Variants in HCN1 observed in about 807,000 individuals in gnomAD.
HCN1 encodes the protein potassium/sodium hyperpolarization-activated cyclic nucleotide-gated channel 1.
Under a neutral mutation model 78.9 loss-of-function variants are expected in HCN1, and 13 were observed. The ratio of observed to expected loss-of-function variants is 0.16; its 90% confidence interval spans 0.11 to 0.26. The LOEUF is 0.26. Ranked by LOEUF, HCN1 falls within the 10% of genes least tolerant of loss-of-function variation. The pLI is 1.00. For synonymous variants in HCN1, 552 were observed against 455.5 expected, an observed-to-expected ratio of 1.21 and a Z score of -2.70; for missense variants, 810 against 1,154.3, an observed-to-expected ratio of 0.70 and a Z score of 4.32.
At chr5:45,668,071 A>G (rs1304659537) in intron 1 of HCN1, among the ~76,000 whole-genome samples, 1 of 151,992 alleles carries the variant, frequency 6.6e-6, no homozygotes, top group African/African-American at 2.4e-5. Flanking sequence ...GTCATGCATC[A>G]GATTTATATT....
chr5:45,477,710 A>T (rs1226907609), intron 2 of HCN1, among the ~76,000 whole-genome samples: 1 of 152,182 alleles, frequency 6.6e-6, no homozygotes, highest in African/African-American at 2.4e-5. Context: ...ATGTATTGCA[A>T]ATATATAAGG....
At chr5:45,588,377 G>A (rs1744285198) in intron 2 of HCN1, among the ~76,000 whole-genome samples, 1 of 152,152 alleles carries the variant, frequency 6.6e-6, no homozygotes, top group Non-Finnish European at 1.5e-5. Flanking sequence ...AGTGGATATT[G>A]TGTAATTTCG....
At chr5:45,265,218 G>C (rs936239291) in intron 7 of HCN1, among the ~76,000 whole-genome samples, 4 of 151,788 alleles carry the variant, frequency 2.6e-5, no homozygotes, top group Non-Finnish European at 1.5e-5. Context: ...ACTGCAATAA[G>C]TTAGATGAAA....
At chr5:45,580,385 G>A (rs1338179015) in intron 2 of HCN1, among the ~76,000 whole-genome samples, 1 of 152,004 alleles carries the variant, frequency 6.6e-6, no homozygotes, top group Non-Finnish European at 1.5e-5. Flanking sequence ...GCCAAGGAAT[G>A]TGGTGGCCTC....
intron 1 of HCN1, among the ~76,000 whole-genome samples, chr5:45,676,495 A>G (rs575724566): frequency 1.3e-5 from 2 of 151,886 alleles, no homozygotes; most frequent in Non-Finnish European, 2.9e-5. Flanking sequence ...GTTCAGAGCA[A>G]GATATGTTTG....
At chr5:45,392,640 C>T (rs1175135447) in intron 4 of HCN1, among the ~76,000 whole-genome samples, 3 of 151,950 alleles carry the variant, frequency 2.0e-5, no homozygotes, top group African/African-American at 7.3e-5. Flanking sequence ...AGTTCTAGAC[C>T]AGCCTGGCCA....
intron 1 of HCN1, among the ~76,000 whole-genome samples, chr5:45,685,666 C>A (rs1394997311): frequency 2.0e-5 from 3 of 151,780 alleles, no homozygotes; most frequent in African/African-American, 7.3e-5. Context: ...GAGCCAACAT[C>A]GTGCCATTGC....
At chr5:45,551,403 A>C (rs913011104) in intron 2 of HCN1, among the ~76,000 whole-genome samples, 1 of 151,882 alleles carries the variant, frequency 6.6e-6, no homozygotes, top group African/African-American at 2.4e-5. Context: ...AGTTACATGT[A>C]GAAATATATC....
intron 2 of HCN1, among the ~76,000 whole-genome samples, chr5:45,604,145 G>T (rs1744679456): frequency 6.6e-6 from 1 of 152,072 alleles, no homozygotes; most frequent in Non-Finnish European, 1.5e-5. Context: ...ATGACAAGTA[G>T]AAATAACCCA....
intron 2 of HCN1, among the ~76,000 whole-genome samples, chr5:45,620,636 G>A (rs1308648751): frequency 1.3e-5 from 2 of 151,706 alleles, no homozygotes; most frequent in African/African-American, 2.4e-5. Flanking sequence ...CGAAAGGGAG[G>A]GAGGATAGGA....
At chr5:45,372,261 AT>A (rs1561128243) in intron 4 of HCN1, among the ~76,000 whole-genome samples, 5 of 83,254 alleles carry the variant, frequency 6.0e-5, no homozygotes, top group Non-Finnish European at 8.3e-5. Flanking sequence ...ATATATATTT[AT>A]ATATATATTT....
intron 4 of HCN1, among the ~76,000 whole-genome samples, chr5:45,355,869 C>G (rs1261674653): frequency 2.6e-5 from 4 of 151,944 alleles, no homozygotes; most frequent in African/African-American, 9.7e-5. Context: ...GGAATCTATT[C>G]TAAGAAAACA....
rs368828115 is a variant in HCN1, at chr5:45,377,768, A to G, written c.1230+18724T>C. Among the ~76,000 whole-genome samples the G allele has an allele frequency of 3.0e-3, 456 of 152,148 alleles. 2 individuals are homozygous for G. The highest frequency in any genetic ancestry group is 0.01 in the African/African-American group (430 of 41,554). On this transcript the variant is annotated intron_variant, in intron 4 of 7. Transcript: ENST00000303230. ...TGTGACTGGGTGTTACTATAAATAC[A>G]TAAGACTATAACAAATTGGGTTGTA...
chr5:45,449,845 TC>T (rs1740880199), intron 3 of HCN1, among the ~76,000 whole-genome samples: 1 of 152,184 alleles, frequency 6.6e-6, no homozygotes, highest in Non-Finnish European at 1.5e-5. Flanking sequence ...TGGTTTTTTT[TC>T]TTTTTTTGAG....
intron 6 of HCN1, among the ~76,000 whole-genome samples, chr5:45,268,489 C>G (rs1050929237): frequency 6.6e-6 from 1 of 152,154 alleles, no homozygotes; most frequent in East Asian, 1.9e-4. Flanking sequence ...AATTCACACT[C>G]GAGCTAATTT....
At chr5:45,318,870 G>C (rs1165717544) in intron 5 of HCN1, among the ~76,000 whole-genome samples, 2 of 151,896 alleles carry the variant, frequency 1.3e-5, no homozygotes, top group East Asian at 3.9e-4. Flanking sequence ...TCAACCCAGA[G>C]GTTCTAGCTA....
At chr5:45,335,030 C>G (rs1042278742) in intron 5 of HCN1, among the ~76,000 whole-genome samples, 1 of 151,986 alleles carries the variant, frequency 6.6e-6, no homozygotes, top group East Asian at 1.9e-4. Context: ...GGATTACACT[C>G]TCAGCCTAAT....
chr5:45,343,665 C>G (rs189554632), intron 5 of HCN1, among the ~76,000 whole-genome samples: 176 of 152,152 alleles, frequency 1.2e-3, no homozygotes, highest in Admixed American at 2.7e-3. Context: ...ATTATATAAT[C>G]TACTACATGT....
chr5:45,479,281 G>C (rs1318786837), intron 2 of HCN1, among the ~76,000 whole-genome samples: 1 of 152,098 alleles, frequency 6.6e-6, no homozygotes, highest in African/African-American at 2.4e-5. Flanking sequence ...AAGAGAATGG[G>C]CTGCAATTAA....
Sources: gnomAD v4.1 joint callset for allele counts (sites outside exome capture counted in the v4.1 genomes callset) on GRCh38, gnomAD v4.1.1 for gene constraint, MANE v1.5 for transcripts, NCBI Gene and HGNC (gene_info 2026-07-23, HGNC 2026-07-21) for gene names.